SYNE2: variants seen among roughly 807,000 people sequenced by gnomAD.
SYNE2 encodes spectrin repeat containing nuclear envelope protein 2, also known as nesprin-2.
In SYNE2, 431 loss-of-function variants were observed where a neutral mutation model predicts 856.3. The observed-to-expected ratio is 0.50, with a 90% CI of 0.47 to 0.55. SYNE2 has a LOEUF of 0.55. Among genes scored for constraint, SYNE2 ranks in the 20% least tolerant of loss-of-function variants. SYNE2 has a pLI of 0.00. For missense variants in SYNE2, 8,129 were observed against 8,023.2 expected, an observed-to-expected ratio of 1.01 and a Z score of -0.50; for synonymous variants, 2,923 against 2,872.3, an observed-to-expected ratio of 1.02 and a Z score of -0.56.
chr14:64,056,389 A>G (rs1467998818), intron 49 of SYNE2, 123 bp downstream of exon 49: 13 of 798,628 alleles, frequency 1.6e-5, no homozygotes, highest in Non-Finnish European at 2.5e-5. Context: ...ATTAACACCT[A>G]TGCATTAGAG....
At chr14:63,823,600 C>A (rs1276308827) in intron 1 of SYNE2, among the ~76,000 whole-genome samples, 4 of 150,062 alleles carry the variant, frequency 2.7e-5, no homozygotes, top group Non-Finnish European at 5.9e-5. Flanking sequence ...CAAGACCAGA[C>A]AAAAACACCA....
At chr14:64,101,891 G>A (rs749646606) in intron 63 of SYNE2, 41 bp from the exon 64 acceptor site, 1 of 1,482,760 alleles carries the variant, frequency 6.7e-7, no homozygotes. Context: ...TGACAGTAAG[G>A]GAAGCTCTTC....
intron 65 of SYNE2, among the ~76,000 whole-genome samples, chr14:64,110,942 C>A (rs1209957455): frequency 6.6e-6 from 1 of 152,130 alleles, no homozygotes; most frequent in Non-Finnish European, 1.5e-5. Flanking sequence ...GTCTTCTCTT[C>A]CCCTTTGGAT....
intron 45 of SYNE2, among the ~76,000 whole-genome samples, chr14:64,038,085 CGG>C (rs201868703): frequency 2.0e-5 from 3 of 148,906 alleles, no homozygotes; most frequent in African/African-American, 7.5e-5. Flanking sequence ...ACTTCTCAGA[CGG>C]GGCGGCCGGG....
intron 1 of SYNE2, among the ~76,000 whole-genome samples, chr14:63,802,936 G>A (rs1301371999): frequency 6.6e-6 from 1 of 152,162 alleles, no homozygotes; most frequent in Non-Finnish European, 1.5e-5. Flanking sequence ...AAAGCAGCGT[G>A]AACCCAAAGA....
intron 45 of SYNE2, among the ~76,000 whole-genome samples, 200 bp from the exon 46 acceptor site, chr14:64,047,800 G>C (rs1187654307): frequency 2.6e-5 from 4 of 151,970 alleles, no homozygotes; most frequent in African/African-American, 9.7e-5. Context: ...ATACTACTTT[G>C]TCAAAGAAGG....
intron 1 of SYNE2, among the ~76,000 whole-genome samples, chr14:63,766,087 T>C (rs1199408264): frequency 6.6e-6 from 1 of 151,866 alleles, no homozygotes; most frequent in Non-Finnish European, 1.5e-5. Flanking sequence ...GTGGATTTTT[T>C]TTTTTTTTTT....
chr14:64,039,459 TGTC>T (rs1422570716), intron 45 of SYNE2, among the ~76,000 whole-genome samples: 2 of 152,226 alleles, frequency 1.3e-5, no homozygotes, highest in Admixed American at 6.5e-5. Flanking sequence ...AAGATCAAAA[TGTC>T]GTGGTCCTGC....
At chr14:63,845,908 C>CT (rs1295987944) in intron 1 of SYNE2, among the ~76,000 whole-genome samples, 15 of 151,566 alleles carry the variant, frequency 9.9e-5, no homozygotes, top group Admixed American at 9.2e-4. Context: ...GCCCAGCTAG[C>CT]TTTTTTTGTA....
chr14:64,065,311 G>T (rs1022965648), intron 50 of SYNE2, 121 bp from the exon 51 acceptor site: 3 of 845,960 alleles, frequency 3.5e-6, no homozygotes, highest in Non-Finnish European at 5.7e-6. Context: ...GATAAGAGGT[G>T]GATCATGCAA....
chr14:64,199,134 T>C (rs1056033751), intron 99 of SYNE2, among the ~76,000 whole-genome samples: 23 of 152,222 alleles, frequency 1.5e-4, no homozygotes, highest in Non-Finnish European at 1.5e-4. Flanking sequence ...AGAGCCCAGG[T>C]TGTAGCATCT....
chr14:64,216,458 T>A, intron 108 of SYNE2, 71 bp downstream of exon 108: 11 of 1,494,346 alleles, frequency 7.4e-6, no homozygotes, highest in Non-Finnish European at 1.0e-5. Context: ...GAGAGAGAGA[T>A]TTTGGTGTAA....
At chr14:63,780,797 A>G (rs1476509132) in intron 1 of SYNE2, among the ~76,000 whole-genome samples, 1 of 152,172 alleles carries the variant, frequency 6.6e-6, no homozygotes, top group East Asian at 1.9e-4. Context: ...TACATAATCT[A>G]TGCTTCATTT....
At position 63,887,279 on chromosome 14, in the gene SYNE2, CA is replaced by C. The variant is rs112123296; in HGVS notation, c.-51-21808del. Reference sequence around the variant, plus strand: ...TGGGCAACAGAGTGAGACTCCATCTCAAAAAAAAAAATAGAATTTGTAAAGA... The same window carrying C: ...TGGGCAACAGAGTGAGACTCCATCTCAAAAAAAAAATAGAATTTGTAAAGA... On this transcript the variant is annotated intron_variant, in intron 1 of 115. Transcript: ENST00000555002. Among the ~76,000 whole-genome samples the C allele has an allele frequency of 2.7e-3, 382 of 141,426 alleles. 3 individuals carry two copies. Among genetic ancestry groups the C allele is most frequent in the Non-Finnish European group, 4.0e-3 (260 of 64,324 alleles). 92.8% of individuals were successfully genotyped at this position (141,426 alleles called of 152,430 possible). A position where few individuals can be genotyped will look rare whatever the true frequency, so the allele number is the denominator to read the frequency against.
chr14:64,013,323 A>AT lies in SYNE2; in HGVS notation c.4729-3134dup, dbSNP rs57074861. ...GCTTAAAAATTTTTTTCCTCATTAA[A>AT]TTTTTTTTTTTTTTTTGTATATTTA... On this transcript the variant is annotated intron_variant, in intron 32 of 115. Coordinates refer to ENST00000555002, the MANE Select transcript of SYNE2 (RefSeq NM_182914.3). Among the ~76,000 whole-genome samples, 1,125 of 136,332 alleles carry AT rather than the reference A, an allele frequency of 8.3e-3. 20 individuals carry two copies. Among genetic ancestry groups the AT allele is most frequent in the African/African-American group, 0.027 (1,031 of 38,458 alleles). The allele number at this position is 136,332 out of a possible 152,430, so 89.4% of individuals were successfully genotyped here.
chr14:63,929,720 G>A (rs747301263), intron 2 of SYNE2, among the ~76,000 whole-genome samples: 11 of 150,798 alleles, frequency 7.3e-5, no homozygotes, highest in Non-Finnish European at 1.6e-4. Context: ...GCAGTGAGCC[G>A]AGATCGCGCC....
chr14:63,764,312 G>T (rs370060237), intron 1 of SYNE2, among the ~76,000 whole-genome samples: 1 of 152,220 alleles, frequency 6.6e-6, no homozygotes, highest in Non-Finnish European at 1.5e-5. Flanking sequence ...CTGTTTGAAA[G>T]AGAGAAACTA....
At chr14:63,995,811 C>T (rs2096710071) in intron 23 of SYNE2, among the ~76,000 whole-genome samples, 2 of 151,664 alleles carry the variant, frequency 1.3e-5, no homozygotes, top group Non-Finnish European at 2.9e-5. Context: ...AAATATATAG[C>T]GATATATAAT....
At chr14:63,827,625 C>CAAAAAAAAAAAAAAAAA (rs11334415) in intron 1 of SYNE2, among the ~76,000 whole-genome samples, 87 of 28,414 alleles carry the variant, frequency 3.1e-3, no homozygotes, top group Non-Finnish European at 4.1e-3. Context: ...AACTCTGTCT[C>CAAAAAAAAAAAAAAAAA]AAAAAAAAAA....
Sources: allele counts gnomAD v4.1 joint callset (sites outside exome capture counted in the v4.1 genomes callset), GRCh38; gene constraint gnomAD v4.1.1; transcripts MANE v1.5; gene names NCBI Gene and HGNC (gene_info 2026-07-23, HGNC 2026-07-21).